Variants in TIAL1 observed in about 807,000 individuals in gnomAD.
The protein encoded by TIAL1 is nucleolysin TIAR.
In TIAL1, 7 loss-of-function variants were observed where a neutral mutation model predicts 59.7. The ratio of observed to expected loss-of-function variants is 0.12; its 90% CI spans 0.07 to 0.22. TIAL1 has a LOEUF of 0.22. TIAL1 is among the 10% of genes least tolerant of loss of function. The probability of loss-of-function intolerance (pLI) is 1.00; values close to 1 mark genes in which losing one functional copy is unlikely to be tolerated. For missense variants in TIAL1, 225 were observed against 462.5 expected (o/e 0.49, Z 4.71); for synonymous variants, 149 against 146.3 (o/e 1.02, Z -0.13).
rs1845356038 is a variant in TIAL1 at position 119,582,650 on chromosome 10, AAT to A, written c.130-95_130-94del. 1 of 1,567,640 alleles carries A rather than the reference AAT, an allele frequency of 6.4e-7. No homozygotes were observed. Among genetic ancestry groups the A allele is most frequent in the East Asian group, 2.3e-5 (1 of 44,030 alleles). Reference sequence around the variant, plus strand: ...GGAAAAAACATTACTGATAGCTGGGAATATACAAGGTGAGACTGCATAAGCTT... The same window carrying A: ...GGAAAAAACATTACTGATAGCTGGGAATACAAGGTGAGACTGCATAAGCTT... On this transcript the variant is annotated intron_variant, in intron 2 of 11. Coordinates refer to ENST00000436547, the MANE Select transcript of TIAL1 (RefSeq NM_003252.4). This position sits in a 1 kb window ranked among gnomAD's most constrained non-coding sequence, Gnocchi z 5.1.
At position 119,573,619 on chromosome 10, in the gene TIAL1, T is replaced by C. The variant is rs1443807598; in HGVS notation, c.*2046A>G. 6.6e-6 allele frequency: 1 copy of C among 152,510 alleles called. No homozygotes were observed. The highest frequency in any genetic ancestry group is 1.5e-5 in the Non-Finnish European group (1 of 68,012). The allele number at this position is 152,510 out of a possible 1,614,324, so 9.4% of individuals were successfully genotyped here. ...AGGCATACTAAGCATTTTTATCAAT[T>C]AAAAAAAGTCTTCAGTTGTTCAAGT... On this transcript the variant is annotated 3_prime_UTR_variant, in exon 12 of 12. Coordinates refer to ENST00000436547, the MANE Select transcript of TIAL1 (RefSeq NM_003252.4).
Position 119,576,605 on chromosome 10 carries a change from A to T in TIAL1, c.1001+6T>A, listed in dbSNP as rs1430214045. 1 of 1,612,558 alleles carries T rather than the reference A, an allele frequency of 6.2e-7. No homozygotes were observed. The highest frequency in any genetic ancestry group is 8.5e-7 in the Non-Finnish European group (1 of 1,179,644). On this transcript the variant is annotated splice_donor_region_variant and intron_variant, in intron 11 of 11. Transcript: ENST00000436547. ...TTTCTATACTGGAAAAACCCAAACA[A>T]CTTACTCTACTCCAAATCCTTGTTG...
chr10:119,579,311 C>A (rs1176423590), intron 6 of TIAL1, among the ~76,000 whole-genome samples: 4 of 152,046 alleles, frequency 2.6e-5, no homozygotes, highest in African/African-American at 9.7e-5. Flanking sequence ...GGACTCCAGC[C>A]TGGGCAACAG....
In TIAL1 at chr10:119,582,937, G is replaced by A. The variant is rs946212810; in HGVS notation, c.130-380C>T. On this transcript the variant is annotated intron_variant, in intron 2 of 11. Coordinates refer to ENST00000436547, the MANE Select transcript of TIAL1 (RefSeq NM_003252.4). The surrounding 1 kb of genome is among the most constrained non-coding windows in gnomAD (Gnocchi z 5.1). ...TTCTCCAATATTATTTTTAAATTAC[G>A]TTCTACTTATGCATCATAATCCTCT... is the stretch of plus-strand genomic sequence containing the variant. Among the ~76,000 whole-genome samples, 7 of 151,930 alleles carry A rather than the reference G, an allele frequency of 4.6e-5. No homozygotes were observed. Among genetic ancestry groups the A allele is most frequent in the East Asian group, 1.9e-4 (1 of 5,186 alleles).
intron 11 of TIAL1, among the ~76,000 whole-genome samples, chr10:119,576,271 T>G (rs1353555917): frequency 6.8e-6 from 1 of 147,694 alleles, no homozygotes; most frequent in East Asian, 2.0e-4. Context: ...ACATACCACA[T>G]AGGCATAAAA....
chr10:119,594,327 T>C (rs1401875328), intron 1 of TIAL1, among the ~76,000 whole-genome samples: 1 of 152,124 alleles, frequency 6.6e-6, no homozygotes, highest in East Asian at 1.9e-4. Context: ...CTGATAGGGA[T>C]GAAGGCAAGG....
chr10:119,577,309 T>C (rs748657721), intron 9 of TIAL1, 106 bp from the exon 10 acceptor site: 15 of 1,462,302 alleles, frequency 1.0e-5, no homozygotes, highest in Non-Finnish European at 1.4e-5. Context: ...GTATTTTTTT[T>C]CTAAAGTACA....
intron 6 of TIAL1, among the ~76,000 whole-genome samples, chr10:119,579,502 T>G (rs1022346780): frequency 1.3e-5 from 2 of 152,218 alleles, no homozygotes; most frequent in African/African-American, 4.8e-5. Context: ...GCTTAAATTT[T>G]TATTTACATA....
In TIAL1 at chr10:119,581,950, A is replaced by G; in HGVS notation, c.343T>C (p.Ser115Pro). The part of the protein sequence containing the change: ...SPEITTEDIK[S>P]AFAPFGKISD... ...ATTTTACCAAAGGGGGCAAATGCTGATTTGATATCTTCTGTTGTAATTTCT... is the reference window on the plus strand; with the variant it reads ...ATTTTACCAAAGGGGGCAAATGCTGGTTTGATATCTTCTGTTGTAATTTCT... The change falls in exon 5 of 12, where the codon TCA becomes CCA. Residue 115 changes from serine to proline, a missense_variant. By Grantham distance (74) the Ser-to-Pro change is moderately conservative (BLOSUM62 -1). This residue lies in a region of TIAL1 where 38 missense variants were observed against 173.0 expected (regional missense o/e 0.22). Coordinates refer to ENST00000436547, the MANE Select transcript of TIAL1 (RefSeq NM_003252.4). 6.2e-7 allele frequency: 1 copy of G among 1,613,590 alleles called. No homozygotes were observed. Among genetic ancestry groups the G allele is most frequent in the Non-Finnish European group, 8.5e-7 (1 of 1,179,646 alleles).
intron 11 of TIAL1, among the ~76,000 whole-genome samples, chr10:119,576,202 G>GAAAAAAAAAAAA (rs34336844): frequency 9.2e-6 from 1 of 109,074 alleles, no homozygotes; most frequent in Non-Finnish European, 1.9e-5. Context: ...ATCAACAAAA[G>GAAAAAAAAAAAA]AAAAAAAAAA....
Position 119,596,772 on chromosome 10 carries a change from A to G in TIAL1, c.-307T>C, listed in dbSNP as rs2134025287. 2.2e-6 allele frequency: 1 copy of G among 447,888 alleles called. No homozygotes were observed. The highest frequency in any genetic ancestry group is 4.3e-5 in the East Asian group (1 of 23,128). The allele number at this position is 447,888 out of a possible 1,614,324, so 27.7% of individuals were successfully genotyped here. On this transcript the variant is annotated 5_prime_UTR_variant, in exon 1 of 12. Transcript: ENST00000436547. Reference sequence around the variant, plus strand: ...GCCGCGACAGCCTGCAAGGGGGACGACCGAGGGGAGAGAAAAAAGGGCCGC... The same window carrying G: ...GCCGCGACAGCCTGCAAGGGGGACGGCCGAGGGGAGAGAAAAAAGGGCCGC...
In TIAL1 at chr10:119,582,427, ACTCATAAGGTG is replaced by A; in HGVS notation, c.228+21_228+31del. The A allele has an allele frequency of 6.4e-6, 10 of 1,560,900 alleles. No individual in the cohort carries two copies. Among genetic ancestry groups the A allele is most frequent in the Non-Finnish European group, 8.6e-6 (10 of 1,160,210 alleles). On this transcript the variant is annotated intron_variant, in intron 3 of 11. Transcript: ENST00000436547. This position sits in a 1 kb window ranked among gnomAD's most constrained non-coding sequence, Gnocchi z 5.1. ...ACTAGTTTGACATGCAAATATATGTACTCATAAGGTGCCATCATCCTATTATCTTACCTTTC... is the reference window on the plus strand; with the variant it reads ...ACTAGTTTGACATGCAAATATATGTACCATCATCCTATTATCTTACCTTTC...
intron 2 of TIAL1, among the ~76,000 whole-genome samples, chr10:119,585,406 C>T (rs567491632): frequency 2.7e-5 from 4 of 146,700 alleles, no homozygotes; most frequent in South Asian, 2.2e-4. Context: ...GCCATGATGG[C>T]GCCACTGCAC....
rs1206709007 is a variant in TIAL1 at position 119,575,255 on chromosome 10, TTA to T, written c.*408_*409del. The T allele has an allele frequency of 1.2e-5, 2 of 173,852 alleles. No individual in the cohort carries two copies. The highest frequency in any genetic ancestry group is 4.8e-5 in the African/African-American group (2 of 41,544). 10.8% of individuals were successfully genotyped at this position (173,852 alleles called of 1,614,324 possible). A position where few individuals can be genotyped will look rare whatever the true frequency, so the allele number is the denominator to read the frequency against. ...GGGAGTATCAGGATTCAGGATGAAC[TTA>T]TATGTGATTCCCAGGTTTTCACGAT... On this transcript the variant is annotated 3_prime_UTR_variant, in exon 12 of 12. Coordinates refer to ENST00000436547, the MANE Select transcript of TIAL1 (RefSeq NM_003252.4).
chr10:119,573,899 T>C lies in TIAL1; in HGVS notation c.*1766A>G, dbSNP rs1220299279. On this transcript the variant is annotated 3_prime_UTR_variant, in exon 12 of 12. Coordinates refer to ENST00000436547, the MANE Select transcript of TIAL1 (RefSeq NM_003252.4). The stretch of plus-strand genomic sequence containing the variant: ...TTTTTATGTTGAATACATTTGGCTA[T>C]ATTGCTAAGTGGGAAAAGGAGGAAA... 6.6e-6 allele frequency: 1 copy of C among 152,226 alleles called. No individual in the cohort carries two copies. Among genetic ancestry groups the C allele is most frequent in the Non-Finnish European group, 1.5e-5 (1 of 68,040 alleles). The allele number at this position is 152,226 out of a possible 1,614,324, so 9.4% of individuals were successfully genotyped here.
intron 7 of TIAL1, among the ~76,000 whole-genome samples, chr10:119,578,006 C>G (rs1312758353): frequency 6.6e-6 from 1 of 152,074 alleles, no homozygotes; most frequent in African/African-American, 2.4e-5. Context: ...GCAGGTGGAT[C>G]ACGAGGTCAC....
In TIAL1 at chr10:119,596,610, C is replaced by G. The variant is rs920473756; in HGVS notation, c.-145G>C. 3.7e-5 allele frequency: 24 copies of G among 655,822 alleles called. No homozygotes were observed. Among genetic ancestry groups the G allele is most frequent in the South Asian group, 9.4e-5 (5 of 53,078 alleles). The allele number at this position is 655,822 out of a possible 1,614,324, so 40.6% of individuals were successfully genotyped here. On this transcript the variant is annotated 5_prime_UTR_variant, in exon 1 of 12. Coordinates refer to ENST00000436547, the MANE Select transcript of TIAL1 (RefSeq NM_003252.4). Reference sequence around the variant, plus strand: ...AACCCTGCTCTCGGGCTCTCTCCCCCCAGCCCGCTCCGGACACTGCGCTCC... The same window carrying G: ...AACCCTGCTCTCGGGCTCTCTCCCCGCAGCCCGCTCCGGACACTGCGCTCC...
chr10:119,580,996 T>A, intron 5 of TIAL1: 1 of 203,970 alleles, frequency 4.9e-6, no homozygotes, highest in Non-Finnish European at 9.0e-6. Context: ...ACATTTAGAT[T>A]AAAAAGCAAA....
rs1402472664 is a variant in TIAL1, at chr10:119,596,827, G to A, written c.-362C>T. On this transcript the variant is annotated 5_prime_UTR_variant, in exon 1 of 12. Coordinates refer to ENST00000436547, the MANE Select transcript of TIAL1 (RefSeq NM_003252.4). ...GAAACCCTGGGACCCGCTCACGACG[G>A]ATCACGTCGTCGCTGTGGGCCTCTG... 1 of 287,800 alleles carries A rather than the reference G, an allele frequency of 3.5e-6. No individual in the cohort carries two copies. The highest frequency in any genetic ancestry group is 6.7e-6 in the Non-Finnish European group (1 of 149,878). The allele number at this position is 287,800 out of a possible 1,614,324, so 17.8% of individuals were successfully genotyped here. A position where few individuals can be genotyped will look rare whatever the true frequency, so the allele number is the denominator to read the frequency against.
Sources: gnomAD v4.1 joint callset for allele counts (sites outside exome capture counted in the v4.1 genomes callset) on GRCh38, gnomAD v4.1.1 for gene constraint, gnomAD v4.1.1 regional missense constraint, Gnocchi (gnomAD v3.1) non-coding constraint, MANE v1.5 for transcripts, NCBI Gene and HGNC (gene_info 2026-07-23, HGNC 2026-07-21) for gene names.